PPFIA1: variants seen among roughly 807,000 people sequenced by gnomAD.
PPFIA1 encodes the protein PPFI scaffold protein A1, also known as liprin-alpha-1.
A neutral mutation model predicts 149.9 loss-of-function variants in PPFIA1; 25 were observed. The ratio of observed to expected loss-of-function variants is 0.17; its 90% CI spans 0.12 to 0.23. PPFIA1 has a LOEUF of 0.23. Ranked by LOEUF, PPFIA1 falls within the 10% of genes least tolerant of loss-of-function variation. The probability of loss-of-function intolerance (pLI) is 1.00; values close to 1 mark genes in which losing one functional copy is unlikely to be tolerated. For synonymous variants in PPFIA1, 549 were observed against 552.8 expected (o/e 0.99, Z 0.10); for missense variants, 1,362 against 1,506.5 (o/e 0.90, Z 1.59).
intron 2 of PPFIA1, among the ~76,000 whole-genome samples, chr11:70,292,308 T>A (rs957814857): frequency 1.3e-5 from 2 of 152,212 alleles, no homozygotes; most frequent in Non-Finnish European, 2.9e-5. Flanking sequence ...AAGCAGGCCA[T>A]GTGCGTCCTT....
At chr11:70,333,597 C>T in intron 10 of PPFIA1, 44 bp downstream of exon 10, 2 of 1,495,368 alleles carry the variant, frequency 1.3e-6, no homozygotes, top group South Asian at 2.3e-5. Context: ...GTGGGTGCTG[C>T]AAGGTCATTG....
intron 15 of PPFIA1, among the ~76,000 whole-genome samples, chr11:70,347,679 C>T (rs529771319): frequency 4.7e-4 from 72 of 152,148 alleles, no homozygotes; most frequent in African/African-American, 1.6e-3. Flanking sequence ...GCACTCCAGC[C>T]GGGATGACAG....
In PPFIA1 at chr11:70,374,912, T is replaced by C. The variant is rs1487543192; in HGVS notation, c.3140-6T>C. The C allele has an allele frequency of 4.3e-6, 7 of 1,610,878 alleles. No individual in the cohort carries two copies. The Admixed American group carries it at 1.2e-4, about 27-fold the overall frequency. The stretch of plus-strand genomic sequence containing the variant: ...CACTTTTATAATTGTCTTTATTCTT[T>C]TGCAGACGTGCTTGTTTGGAGCAAT... On this transcript the variant is annotated splice_region_variant and splice_polypyrimidine_tract_variant and intron_variant, in intron 23 of 27. Coordinates refer to ENST00000253925, the MANE Select transcript of PPFIA1 (RefSeq NM_003626.5).
At chr11:70,369,515 T>C (rs2057122564) in intron 21 of PPFIA1, among the ~76,000 whole-genome samples, 1 of 151,346 alleles carries the variant, frequency 6.6e-6, no homozygotes, top group Non-Finnish European at 1.5e-5. Context: ...TTTGGAACAC[T>C]TCGTGTAGAA....
At chr11:70,368,728 C>T (rs2057080763) in intron 21 of PPFIA1, among the ~76,000 whole-genome samples, 1 of 152,210 alleles carries the variant, frequency 6.6e-6, no homozygotes, top group East Asian at 1.9e-4. Flanking sequence ...TGCAACTTTG[C>T]TTAAACCCAC....
Position 70,330,190 on chromosome 11 carries a change from A to G in PPFIA1, c.948A>G (p.Glu316=), listed in dbSNP as rs755315940. ...TAATTTAGGCCATGGCCCAAAAGGA[A>G]GATATGGAAGAGAGAATCACTACTC... The part of the protein sequence containing the change: ...RDVREAMAQK[E]DMEERITTLE... The change falls in exon 8 of 28, where the codon GAA becomes GAG. Residue 316 remains glutamate (E), a synonymous_variant. Transcript: ENST00000253925. 48 of 1,596,836 alleles carry G rather than the reference A, an allele frequency of 3.0e-5. No homozygotes were observed. In the South Asian group the frequency reaches 5.4e-4, roughly 18 times the overall value.
chr11:70,278,563 TG>T (rs1292707583), intron 2 of PPFIA1, among the ~76,000 whole-genome samples: 7 of 152,228 alleles, frequency 4.6e-5, no homozygotes, highest in Non-Finnish European at 8.8e-5. Flanking sequence ...TGACTTTTAC[TG>T]AGTTTATCCA....
chr11:70,379,690 G>A (rs1452852899), intron 26 of PPFIA1, among the ~76,000 whole-genome samples: 1 of 151,788 alleles, frequency 6.6e-6, no homozygotes, highest in Non-Finnish European at 1.5e-5. Context: ...CCTCCCGTAC[G>A]TAGGTTCATA....
chr11:70,372,687 A>G lies in PPFIA1; in HGVS notation c.3139+113A>G, dbSNP rs1220225121. ...AAGAAAGGCTAAATTTAAGTGGAGAAAACTAACTAGTCTAGTGTCATTGCA... is the reference window on the plus strand; with the variant it reads ...AAGAAAGGCTAAATTTAAGTGGAGAGAACTAACTAGTCTAGTGTCATTGCA... On this transcript the variant is annotated intron_variant, in intron 23 of 27. Transcript: ENST00000253925. 15 of 794,720 alleles carry G rather than the reference A, an allele frequency of 1.9e-5. No individual in the cohort carries two copies. The East Asian group carries it at 3.3e-4, about 17-fold the overall frequency. 49.2% of individuals were successfully genotyped at this position (794,720 alleles called of 1,614,324 possible).
At chr11:70,323,838 C>A (rs140344627) in intron 2 of PPFIA1, among the ~76,000 whole-genome samples, 74 of 152,278 alleles carry the variant, frequency 4.9e-4, no homozygotes, top group African/African-American at 1.7e-3. Flanking sequence ...AGGCTGGGCA[C>A]GGTGGCTCAA....
intron 26 of PPFIA1, among the ~76,000 whole-genome samples, chr11:70,379,587 G>A (rs2057623705): frequency 6.6e-6 from 1 of 151,314 alleles, no homozygotes; most frequent in Non-Finnish European, 1.5e-5. Context: ...GACTAGCCTG[G>A]GCAACACAGT....
chr11:70,340,353 C>G (rs886149324), intron 14 of PPFIA1, among the ~76,000 whole-genome samples: 3 of 151,992 alleles, frequency 2.0e-5, no homozygotes, highest in African/African-American at 7.2e-5. Flanking sequence ...GTAGAAGGAT[C>G]CCTTTGAGCC....
rs562420447 is a variant in PPFIA1 at position 70,294,820 on chromosome 11, T to G, written c.264+22384T>G. On this transcript the variant is annotated intron_variant, in intron 2 of 27. Coordinates refer to ENST00000253925, the MANE Select transcript of PPFIA1 (RefSeq NM_003626.5). ...CACATCTTGCACTGCCCTTAATCCA[T>G]TTAACCCTGAGTGGACACAGCACAT... Among the ~76,000 whole-genome samples the G allele has an allele frequency of 1.2e-3, 179 of 151,722 alleles. 1 individual carries two copies. The highest frequency in any genetic ancestry group is 4.0e-3 in the African/African-American group (164 of 41,224).
intron 2 of PPFIA1, among the ~76,000 whole-genome samples, chr11:70,291,754 C>G (rs1026740123): frequency 6.6e-6 from 1 of 152,084 alleles, no homozygotes; most frequent in Admixed American, 6.5e-5. Context: ...ACCACAGCCT[C>G]CACCTCTCTG....
intron 14 of PPFIA1, among the ~76,000 whole-genome samples, chr11:70,339,772 T>G (rs2137063474): frequency 6.6e-6 from 1 of 150,976 alleles, no homozygotes; most frequent in Non-Finnish European, 1.5e-5. Flanking sequence ...CCCAGAACTT[T>G]GGGAGGCCAA....
At chr11:70,284,795 G>C (rs1256752532) in intron 2 of PPFIA1, among the ~76,000 whole-genome samples, 1 of 152,086 alleles carries the variant, frequency 6.6e-6, no homozygotes, top group Non-Finnish European at 1.5e-5. Context: ...GTCAAAGCTG[G>C]GGTCTGTGGC....
At chr11:70,314,805 G>T (rs148515268) in intron 2 of PPFIA1, among the ~76,000 whole-genome samples, 1 of 152,068 alleles carries the variant, frequency 6.6e-6, no homozygotes, top group African/African-American at 2.4e-5. Flanking sequence ...GTATTAGTCC[G>T]TTCTCACACC....
rs2054167278 is a variant in PPFIA1, at chr11:70,324,833, G to A, written c.367-14G>A. 1 of 1,544,782 alleles carries A rather than the reference G, an allele frequency of 6.5e-7. No individual in the cohort carries two copies. The highest frequency in any genetic ancestry group is 1.4e-5 in the African/African-American group (1 of 72,036). On this transcript the variant is annotated splice_polypyrimidine_tract_variant and intron_variant, in intron 3 of 27. Transcript: ENST00000253925. ...TGCTGTTTAACAAGTCTTTATTTTG[G>A]CCTTTTATTTCAGCTGCTGTTAGAG...
At chr11:70,327,525 A>C (rs1019982659) in intron 7 of PPFIA1, 11 of 152,066 alleles carry the variant, frequency 7.2e-5, no homozygotes, top group Admixed American at 6.6e-4. Context: ...TAATCCCAGC[A>C]CTTTGGGAGG....
Sources: allele counts gnomAD v4.1 joint callset (sites outside exome capture counted in the v4.1 genomes callset), GRCh38; gene constraint gnomAD v4.1.1; transcripts MANE v1.5; gene names NCBI Gene and HGNC (gene_info 2026-07-23, HGNC 2026-07-21).